The following SLC44A5 variants were observed in gnomAD, a reference collection of about 807,000 sequenced individuals.
SLC44A5 encodes the protein solute carrier family 44 member 5, also known as choline transporter-like protein 5.
A neutral mutation model predicts 101.8 loss-of-function variants in SLC44A5; 57 were observed. That is an observed-to-expected ratio of 0.56 (90% confidence interval 0.45 to 0.70). The LOEUF is 0.70. Ranked by LOEUF, SLC44A5 falls within the 30% of genes least tolerant of loss-of-function variation. The probability of loss-of-function intolerance (pLI) is 0.00; values close to 1 mark genes in which losing one functional copy is unlikely to be tolerated. For synonymous variants in SLC44A5, 281 were observed against 290.9 expected, an observed-to-expected ratio of 0.97 and a Z score of 0.35; for missense variants, 737 against 853.1, an observed-to-expected ratio of 0.86 and a Z score of 1.70.
At chr1:75,318,726 AAT>A (rs1295960755) in intron 4 of SLC44A5, among the ~76,000 whole-genome samples, 23 of 152,294 alleles carry the variant, frequency 1.5e-4, no homozygotes, top group African/African-American at 4.8e-4. Context: ...ATAGCTCTTG[AAT>A]AATCTACTCT....
chr1:75,558,784 T>C (rs2102001835), intron 1 of SLC44A5, among the ~76,000 whole-genome samples: 1 of 152,232 alleles, frequency 6.6e-6, no homozygotes, highest in South Asian at 2.1e-4. Context: ...ATTAAACTCA[T>C]TCAAAGAGAA....
At chr1:75,683,760 AAAT>A in the SLC44A5 span, among the ~76,000 whole-genome samples, 1 of 19,398 alleles carries the variant, frequency 5.2e-5, no homozygotes, top group African/African-American at 4.1e-4. Context: ...GTATAATAAC[AAAT>A]AAATAAATAA....
chr1:75,230,921 TTC>T (rs1647500046), intron 12 of SLC44A5, among the ~76,000 whole-genome samples: 1 of 152,180 alleles, frequency 6.6e-6, no homozygotes, highest in Non-Finnish European at 1.5e-5. Context: ...CAGCTACATG[TTC>T]TATATCTATT....
chr1:75,630,939 C>G, the SLC44A5 span, among the ~76,000 whole-genome samples: 1 of 145,146 alleles, frequency 6.9e-6, no homozygotes. Flanking sequence ...GTCGCCTATC[C>G]GGGGAGCCAT....
chr1:75,384,754 A>AT (rs1279005048), intron 3 of SLC44A5, among the ~76,000 whole-genome samples: 1 of 138,176 alleles, frequency 7.2e-6, no homozygotes, highest in Non-Finnish European at 1.6e-5. Context: ...CAGAATATAC[A>AT]TTTTTTTCAG....
chr1:75,410,092 T>C (rs1249793), intron 2 of SLC44A5, among the ~76,000 whole-genome samples: 38,162 of 152,032 alleles, frequency 0.25, 5,086 homozygotes, highest in African/African-American at 0.33. Flanking sequence ...CAGGTGTCTT[T>C]AATACTATAG....
chr1:75,434,299 T>C (rs1449359601), intron 2 of SLC44A5, among the ~76,000 whole-genome samples: 1 of 152,182 alleles, frequency 6.6e-6, no homozygotes, highest in Non-Finnish European at 1.5e-5. Context: ...CCTCATACTT[T>C]TCCATTTTCC....
chr1:75,509,008 C>G (rs1485343286), intron 2 of SLC44A5, among the ~76,000 whole-genome samples: 1 of 152,162 alleles, frequency 6.6e-6, no homozygotes, highest in Non-Finnish European at 1.5e-5. Context: ...AATGACAAAG[C>G]TGGGAACCAG....
intron 2 of SLC44A5, among the ~76,000 whole-genome samples, chr1:75,411,150 T>C (rs1663252749): frequency 6.6e-6 from 1 of 152,134 alleles, no homozygotes; most frequent in South Asian, 2.1e-4. Flanking sequence ...TCTAGGTCCT[T>C]GGGACTAGAG....
chr1:75,217,042 C>G (rs867664970), intron 18 of SLC44A5, among the ~76,000 whole-genome samples: 2 of 151,940 alleles, frequency 1.3e-5, no homozygotes, highest in African/African-American at 4.8e-5. Context: ...TGTCATGAAG[C>G]TTTCATCTTA....
At position 75,234,102 on chromosome 1, in the gene SLC44A5, G is replaced by A. The variant is rs772322082; in HGVS notation, c.741-4C>T. ...GACCATGGCAATCGTCAGGCCACTA[G>A]AAAAAACCCACAACAAACACAGTGG... On this transcript the variant is annotated splice_region_variant and splice_polypyrimidine_tract_variant and intron_variant, in intron 11 of 23. Transcript: ENST00000370859. The A allele has an allele frequency of 1.9e-6, 3 of 1,606,146 alleles. No individual in the cohort carries two copies. The highest frequency in any genetic ancestry group is 2.6e-6 in the Non-Finnish European group (3 of 1,173,252).
chr1:75,476,682 G>A (rs539576531), intron 2 of SLC44A5, among the ~76,000 whole-genome samples: 24 of 152,336 alleles, frequency 1.6e-4, no homozygotes, highest in East Asian at 3.9e-4. Context: ...ACTGCAAGGC[G>A]GCAGCAAGGC....
In SLC44A5 at chr1:75,242,010, TG is replaced by T; in HGVS notation, c.522del (p.Ser175AlafsTer19). On this transcript the variant is annotated frameshift_variant, in exon 9 of 24. Coordinates refer to ENST00000370859, the MANE Select transcript of SLC44A5 (RefSeq NM_001130058.2). LOFTEE classifies it high-confidence loss of function. ...LDDDCPTAIFPSKPFLQRCFP... is the reference protein window; with the variant it reads ...LDDDCPTAIFXSKPFLQRCFP... ...AATAGTTGCCACTTACAAGGTTTGC[TG>T]GGAAAAATCGCTGTTGGACAATCAT... 1 of 1,612,114 alleles carries T rather than the reference TG, an allele frequency of 6.2e-7. No individual in the cohort carries two copies. Among genetic ancestry groups the T allele is most frequent in the Non-Finnish European group, 8.5e-7 (1 of 1,178,680 alleles).
At chr1:75,580,269 A>G (rs1373382742) in intron 1 of SLC44A5, among the ~76,000 whole-genome samples, 1 of 152,234 alleles carries the variant, frequency 6.6e-6, no homozygotes, top group Non-Finnish European at 1.5e-5. Flanking sequence ...TTTAAGTTGT[A>G]GGATTTACGA....
chr1:75,545,203 C>T (rs1307305291), intron 1 of SLC44A5, among the ~76,000 whole-genome samples: 2 of 152,172 alleles, frequency 1.3e-5, no homozygotes, highest in Admixed American at 1.3e-4. Context: ...TTTTTAATGG[C>T]TGCATGGTAT....
the SLC44A5 span, among the ~76,000 whole-genome samples, chr1:75,683,597 G>A: frequency 6.6e-6 from 1 of 152,060 alleles, no homozygotes; most frequent in East Asian, 1.9e-4. Flanking sequence ...CACTCTCTGG[G>A]GACTGTTGTG....
chr1:75,234,391 A>G (rs1647880721), intron 11 of SLC44A5, among the ~76,000 whole-genome samples: 1 of 151,970 alleles, frequency 6.6e-6, no homozygotes, highest in Admixed American at 6.6e-5. Context: ...TCCAACTACA[A>G]TTTTGATTTA....
chr1:75,480,020 C>T (rs1308480785), intron 2 of SLC44A5, among the ~76,000 whole-genome samples: 8 of 152,114 alleles, frequency 5.3e-5, no homozygotes, highest in Middle Eastern at 3.2e-3. Flanking sequence ...ACTGGCAAAC[C>T]GAATCTGGCA....
intron 3 of SLC44A5, among the ~76,000 whole-genome samples, chr1:75,350,127 G>A (rs1658536222): frequency 6.6e-6 from 1 of 152,054 alleles, no homozygotes; most frequent in African/African-American, 2.4e-5. Context: ...TGGAAGTAAG[G>A]GCCTTTGAGG....
Sources: gnomAD v4.1 joint callset for allele counts (sites outside exome capture counted in the v4.1 genomes callset) on GRCh38, gnomAD v4.1.1 for gene constraint, MANE v1.5 for transcripts, NCBI Gene and HGNC (gene_info 2026-07-23, HGNC 2026-07-21) for gene names.